The following WSCD1 variants were observed in gnomAD, a reference collection of about 807,000 sequenced individuals.
WSCD1 encodes sialate:O-sulfotransferase 1.
WSCD1 carries 41 observed loss-of-function variants against 60.4 expected under a neutral mutation model. The ratio of observed to expected loss-of-function variants is 0.68; its 90% confidence interval spans 0.53 to 0.88. The LOEUF is 0.88. Ranked by LOEUF, WSCD1 falls within the 40% of genes least tolerant of loss-of-function variation. WSCD1 has a pLI of 0.00. For missense variants in WSCD1, 784 were observed against 796.2 expected, an observed-to-expected ratio of 0.98 and a Z score of 0.18; for synonymous variants, 361 against 332.5, an observed-to-expected ratio of 1.09 and a Z score of -0.93.
chr17:6,106,737 G>C (rs1446840992), intron 5 of WSCD1, among the ~76,000 whole-genome samples: 1 of 151,136 alleles, frequency 6.6e-6, no homozygotes, highest in East Asian at 1.9e-4. Context: ...CATGGTGAGG[G>C]AATAGCATGT....
rs548550620 is a variant in WSCD1 at position 6,084,556 on chromosome 17, A to G, written c.428-3434A>G. Among the ~76,000 whole-genome samples the G allele has an allele frequency of 1.6e-4, 25 of 152,374 alleles. 1 individual carries two copies. In the South Asian group the frequency reaches 4.1e-3, roughly 25 times the overall value. On this transcript the variant is annotated intron_variant, in intron 2 of 8. Coordinates refer to ENST00000317744, the MANE Select transcript of WSCD1 (RefSeq NM_015253.2). The stretch of plus-strand genomic sequence containing the variant: ...CAGGAGGCTCCATCAATCACTGAGC[A>G]TTTCATTATACCTTGGACAACATCC...
At chr17:6,112,546 T>C (rs1475201047) in intron 7 of WSCD1, among the ~76,000 whole-genome samples, 1 of 152,130 alleles carries the variant, frequency 6.6e-6, no homozygotes, top group African/African-American at 2.4e-5. Flanking sequence ...ATCTTACATA[T>C]AGAAATGCCT....
intron 3 of WSCD1, among the ~76,000 whole-genome samples, chr17:6,088,793 T>TG (rs1251893389): frequency 6.6e-6 from 1 of 151,500 alleles, no homozygotes; most frequent in African/African-American, 2.4e-5. Context: ...CACCTTTTTT[T>TG]TTTTTTTGAG....
chr17:6,080,622 C>T lies in WSCD1; in HGVS notation c.-37C>T, dbSNP rs199885369. On this transcript the variant is annotated 5_prime_UTR_variant, in exon 2 of 9. Transcript: ENST00000317744. This position sits in a 1 kb window ranked among gnomAD's most constrained non-coding sequence, Gnocchi z 6.6. ...CTCCCACCTGGGCGCTAGGAGCCAT[C>T]CCGGGGCTCCAGCCAGGAGCCCTGC... 3.8e-3 allele frequency: 6,185 copies of T among 1,607,308 alleles called. 26 individuals are homozygous for T. Among genetic ancestry groups the T allele is most frequent in the Middle Eastern group, 7.7e-3 (46 of 6,008 alleles).
At chr17:6,090,648 C>G in intron 4 of WSCD1, 143 bp downstream of exon 4, 3 of 1,201,788 alleles carry the variant, frequency 2.5e-6, no homozygotes, top group Non-Finnish European at 3.4e-6. Flanking sequence ...CATCACTGGA[C>G]AGGCTCCTGG....
rs374142112 is a variant in WSCD1, at chr17:6,111,002, A to T, written c.1174+67A>T. The stretch of plus-strand genomic sequence containing the variant: ...TGACCAAACTGTCACCTTGCCAGCC[A>T]AGCTTCTCAGAGCACTAGAGCAGTG... On this transcript the variant is annotated intron_variant, in intron 7 of 8. Transcript: ENST00000317744. The T allele has an allele frequency of 4.4e-5, 67 of 1,535,634 alleles. No individual in the cohort carries two copies. The African/African-American group carries it at 7.3e-4, about 17-fold the overall frequency.
intron 4 of WSCD1, among the ~76,000 whole-genome samples, chr17:6,093,633 G>A (rs1204110595): frequency 2.0e-5 from 3 of 152,198 alleles, no homozygotes; most frequent in Non-Finnish European, 4.4e-5. Context: ...AGTTTTGTGA[G>A]CCCAGCACCT....
rs1567549735 is a variant in WSCD1, at chr17:6,080,797, C to CG, written c.142dup (p.Ala48GlyfsTer76). 1 of 1,609,490 alleles carries CG rather than the reference C, an allele frequency of 6.2e-7. No homozygotes were observed. Among genetic ancestry groups the CG allele is most frequent in the Non-Finnish European group, 8.5e-7 (1 of 1,178,536 alleles). On this transcript the variant is annotated frameshift_variant, in exon 2 of 9. Transcript: ENST00000317744. LOFTEE classifies it high-confidence loss of function. This position sits in a 1 kb window ranked among gnomAD's most constrained non-coding sequence, Gnocchi z 6.6. ...CCGCGTGGCTCTCCCACAGGGCCCC[C>CG]GGGCACCCGGCCCCCTGCAGACCTT...
At chr17:6,070,855 G>A (rs1318514658) in intron 1 of WSCD1, among the ~76,000 whole-genome samples, 1 of 151,208 alleles carries the variant, frequency 6.6e-6, no homozygotes, top group Admixed American at 6.6e-5. Flanking sequence ...AGAGTGAGCG[G>A]GTGCGTGCAG....
Position 6,118,309 on chromosome 17 carries a change from A to T in WSCD1, c.1375+121A>T. The T allele has an allele frequency of 9.3e-7, 1 of 1,073,552 alleles. No individual in the cohort carries two copies. The highest frequency in any genetic ancestry group is 1.3e-6 in the Non-Finnish European group (1 of 745,972). 66.5% of individuals were successfully genotyped at this position (1,073,552 alleles called of 1,614,324 possible). A position where few individuals can be genotyped will look rare whatever the true frequency, so the allele number is the denominator to read the frequency against. On this transcript the variant is annotated intron_variant, in intron 8 of 8. Coordinates refer to ENST00000317744, the MANE Select transcript of WSCD1 (RefSeq NM_015253.2). This position sits in a 1 kb window ranked among gnomAD's most constrained non-coding sequence, Gnocchi z 5.8. ...GGATGCAGGATCAGTATACACAGGT[A>T]GGCACTCAAACCCCATCCTGCTAGG...
intron 8 of WSCD1, among the ~76,000 whole-genome samples, chr17:6,119,667 A>T (rs556961680): frequency 2.0e-4 from 31 of 152,148 alleles, no homozygotes; most frequent in Non-Finnish European, 3.7e-4. Context: ...TATGAGCCGT[A>T]TAACTCCGGG....
chr17:6,096,879 T>G (rs562716807), intron 5 of WSCD1, among the ~76,000 whole-genome samples: 33 of 152,310 alleles, frequency 2.2e-4, no homozygotes, highest in East Asian at 9.7e-4. Flanking sequence ...AGGCCTGCCT[T>G]GAGCAACCAG....
At chr17:6,112,417 AC>A (rs1255931905) in intron 7 of WSCD1, among the ~76,000 whole-genome samples, 1 of 152,244 alleles carries the variant, frequency 6.6e-6, no homozygotes, top group Non-Finnish European at 1.5e-5. Context: ...GCCCACTTTC[AC>A]CATGTCTGTT....
Position 6,090,378 on chromosome 17 carries a change from G to A in WSCD1, c.600G>A (p.Leu200=), listed in dbSNP as rs1167668854. The A allele has an allele frequency of 3.1e-6, 5 of 1,610,230 alleles. No individual in the cohort carries two copies. In the East Asian group the frequency reaches 9.0e-5, roughly 29 times the overall value. Residue 200 remains leucine (L), a synonymous_variant, in exon 4 of 9, where the codon CTG becomes CTA. Coordinates refer to ENST00000317744, the MANE Select transcript of WSCD1 (RefSeq NM_015253.2). ...AGAECYCGNR[L]PAVSVGLEEC... is the part of the protein sequence containing the mutation. Reference sequence around the variant, plus strand: ...CGGAGTGTTACTGCGGGAACCGGCTGCCAGCGGTGAGCGTGGGGCTGGAAG... The same window carrying A: ...CGGAGTGTTACTGCGGGAACCGGCTACCAGCGGTGAGCGTGGGGCTGGAAG...
intron 7 of WSCD1, among the ~76,000 whole-genome samples, chr17:6,116,838 G>A (rs897115424): frequency 1.3e-5 from 2 of 152,194 alleles, no homozygotes; most frequent in Admixed American, 1.3e-4. Context: ...GACTCATTTT[G>A]TTTCCAAGAG....
intron 2 of WSCD1, chr17:6,084,927 C>T (rs968450367): frequency 2.0e-5 from 3 of 152,090 alleles, no homozygotes; most frequent in Admixed American, 6.5e-5. Flanking sequence ...CTCTTTTATC[C>T]CCGTCGCACA....
chr17:6,106,362 A>G (rs2150562040), intron 5 of WSCD1, among the ~76,000 whole-genome samples: 1 of 152,384 alleles, frequency 6.6e-6, no homozygotes, highest in Non-Finnish European at 1.5e-5. Context: ...CCCAGGTGTC[A>G]ATCACTAGTG....
intron 1 of WSCD1, among the ~76,000 whole-genome samples, chr17:6,078,818 AT>A (rs1467782071): frequency 1.3e-5 from 2 of 152,062 alleles, no homozygotes; most frequent in East Asian, 3.9e-4. Flanking sequence ...TGGAAGATGG[AT>A]TGGAGGGTCC....
In WSCD1 at chr17:6,081,029, C is replaced by A; in HGVS notation, c.371C>A (p.Ser124Tyr). 1 of 1,543,364 alleles carries A rather than the reference C, an allele frequency of 6.5e-7. No homozygotes were observed. Reference sequence around the variant, plus strand: ...TGGTTCCACCACTTCATGAGTGACTCCCAGGGACCGCCCGCCCTGGGCCCC... The same window carrying A: ...TGGTTCCACCACTTCATGAGTGACTACCAGGGACCGCCCGCCCTGGGCCCC... ...RRWFHHFMSDSQGPPALGPEA... is the reference protein window; with the variant it reads ...RRWFHHFMSDYQGPPALGPEA... The change falls in exon 2 of 9, where the codon TCC (serine) becomes TAC (tyrosine). Residue 124 changes from serine (S) to tyrosine (Y), a missense_variant. Ser to Tyr is a moderately radical substitution (Grantham distance 144). Transcript: ENST00000317744.
Sources: allele counts gnomAD v4.1 joint callset (sites outside exome capture counted in the v4.1 genomes callset), GRCh38; gene constraint gnomAD v4.1.1; non-coding constraint Gnocchi (gnomAD v3.1); transcripts MANE v1.5; gene names NCBI Gene and HGNC (gene_info 2026-07-23, HGNC 2026-07-21).